The following HDAC4 variants were observed in gnomAD, a reference collection of about 807,000 sequenced individuals.
HDAC4 encodes histone deacetylase 4.
HDAC4 carries 16 observed loss-of-function variants against 135.1 expected under a neutral mutation model. The ratio of observed to expected loss-of-function variants is 0.12; its 90% CI spans 0.08 to 0.18. HDAC4 has a LOEUF of 0.18. HDAC4 is among the 10% of genes least tolerant of loss of function. The pLI is 1.00. For missense variants in HDAC4, 1,143 were observed against 1,511.8 expected (o/e 0.76, Z 4.05); for synonymous variants, 685 against 653.4 (o/e 1.05, Z -0.74).
chr2:239,192,962 A>G (rs926854237), intron 3 of HDAC4, among the ~76,000 whole-genome samples: 1 of 152,266 alleles, frequency 6.6e-6, no homozygotes, highest in Non-Finnish European at 1.5e-5. Context: ...GCTGGTGTCT[A>G]TATTTGTAGG....
At chr2:239,401,248 G>C (rs1023970134), upstream of HDAC4, among the ~76,000 whole-genome samples, 9 of 149,734 alleles carry the variant, frequency 6.0e-5, no homozygotes, top group African/African-American at 1.9e-4. Context: ...CCTGCGCACA[G>C]CCCGTCTGCT....
At chr2:239,090,137 A>G (rs1411642188) in intron 17 of HDAC4, 21 bp from the exon 18 acceptor site, 3 of 1,561,062 alleles carry the variant, frequency 1.9e-6, no homozygotes, top group Non-Finnish European at 2.6e-6. Flanking sequence ...AACACCCCAC[A>G]GTGAGGTCAC....
intron 2 of HDAC4, among the ~76,000 whole-genome samples, chr2:239,345,258 T>A (rs1015027011): frequency 2.0e-5 from 3 of 152,140 alleles, no homozygotes; most frequent in Non-Finnish European, 4.4e-5. Context: ...TAAAACTTTG[T>A]AGTACTCCTG....
chr2:239,167,161 GTA>G lies in HDAC4; in HGVS notation c.491-3240_491-3239del, dbSNP rs1462127313. Among the ~76,000 whole-genome samples, 33 of 152,244 alleles carry G rather than the reference GTA, an allele frequency of 2.2e-4. No homozygotes were observed. The highest frequency in any genetic ancestry group is 7.5e-4 in the African/African-American group (31 of 41,546). ...ACGAGGACGCCCTCAACACTTTCCA[GTA>G]GACCCAAACTCAGTGCAGTCAGCCT... On this transcript the variant is annotated intron_variant, in intron 5 of 26. Coordinates refer to ENST00000543185, the MANE Select transcript of HDAC4 (RefSeq NM_001378414.1). The surrounding 1 kb of genome is among the most constrained non-coding windows in gnomAD (Gnocchi z 4.1).
intron 3 of HDAC4, among the ~76,000 whole-genome samples, chr2:239,194,422 C>T (rs2045224405): frequency 2.0e-5 from 3 of 152,216 alleles, no homozygotes; most frequent in Admixed American, 2.0e-4. Flanking sequence ...TGCTGAGCGC[C>T]ACGCTGCTGC....
At chr2:239,236,127 T>C (rs2047873653) in intron 3 of HDAC4, among the ~76,000 whole-genome samples, 1 of 152,124 alleles carries the variant, frequency 6.6e-6, no homozygotes, top group African/African-American at 2.4e-5. Flanking sequence ...GTTAAAGAGC[T>C]GAAAGGTACT....
chr2:239,169,495 C>T (rs2043319268), intron 5 of HDAC4, among the ~76,000 whole-genome samples: 1 of 152,274 alleles, frequency 6.6e-6, no homozygotes, highest in Non-Finnish European at 1.5e-5. Context: ...ACAGGGTGGG[C>T]CCCGCCCAGC....
At chr2:239,275,286 G>A (rs1261252506) in intron 2 of HDAC4, among the ~76,000 whole-genome samples, 3 of 152,270 alleles carry the variant, frequency 2.0e-5, no homozygotes, top group Non-Finnish European at 4.4e-5. Flanking sequence ...TGCCGGCAAA[G>A]CGCTGCTCAC....
chr2:239,094,731 C>G (rs1175695884), intron 17 of HDAC4: 1 of 1,295,166 alleles, frequency 7.7e-7, no homozygotes, highest in Non-Finnish European at 9.9e-7. Flanking sequence ...GGATGAGATG[C>G]TGGCTGCATA....
chr2:239,391,336 T>C (rs1696191824), intron 1 of HDAC4, among the ~76,000 whole-genome samples: 1 of 152,158 alleles, frequency 6.6e-6, no homozygotes. Context: ...TCTCAAACTG[T>C]ACTAAGGTCC....
intron 12 of HDAC4, among the ~76,000 whole-genome samples, chr2:239,125,416 C>T (rs2040114774): frequency 3.3e-5 from 5 of 152,180 alleles, no homozygotes; most frequent in Admixed American, 3.3e-4. Context: ...AGGCCAACAC[C>T]ACGCTTCCTC....
intron 12 of HDAC4, among the ~76,000 whole-genome samples, chr2:239,120,395 G>GCACACAGA (rs1553622835): frequency 1.4e-5 from 2 of 145,198 alleles, no homozygotes; most frequent in Non-Finnish European, 3.0e-5. Flanking sequence ...ACACACAGAC[G>GCACACAGA]CACACAGACA....
At chr2:239,272,125 A>C (rs2050092701) in intron 2 of HDAC4, among the ~76,000 whole-genome samples, 1 of 152,368 alleles carries the variant, frequency 6.6e-6, no homozygotes, top group South Asian at 2.1e-4. Flanking sequence ...GACACTGCAG[A>C]AGCTGGCTGG....
rs2039048199 is a variant in HDAC4, at chr2:239,115,501, AAAT to A, written c.1534-194_1534-192del. Among the ~76,000 whole-genome samples the A allele has an allele frequency of 2.6e-5, 4 of 152,280 alleles. No homozygotes were observed. In the South Asian group the frequency reaches 8.3e-4, roughly 32 times the overall value. Reference sequence around the variant, plus strand: ...CACTGGGGTGCCTGAGTGCCTAAGAAAATAATGCCCAGTAGGACCCCAGCCCAG... The same window carrying A: ...CACTGGGGTGCCTGAGTGCCTAAGAAAATGCCCAGTAGGACCCCAGCCCAG... On this transcript the variant is annotated intron_variant, in intron 12 of 26. Coordinates refer to ENST00000543185, the MANE Select transcript of HDAC4 (RefSeq NM_001378414.1). This position sits in a 1 kb window ranked among gnomAD's most constrained non-coding sequence, Gnocchi z 6.3.
chr2:239,313,560 C>A lies in HDAC4; in HGVS notation c.22+39118G>T, dbSNP rs2052986837. Among the ~76,000 whole-genome samples, 1 of 152,120 alleles carries A rather than the reference C, an allele frequency of 6.6e-6. No homozygotes were observed. Reference sequence around the variant, plus strand: ...CATCCCAGTTTTCCATGGCACTTCGCAAACACAGCTGGTCAGGCCCTTAGC... The same window carrying A: ...CATCCCAGTTTTCCATGGCACTTCGAAAACACAGCTGGTCAGGCCCTTAGC... On this transcript the variant is annotated intron_variant, in intron 2 of 26. Coordinates refer to ENST00000543185, the MANE Select transcript of HDAC4 (RefSeq NM_001378414.1). This position sits in a 1 kb window ranked among gnomAD's most constrained non-coding sequence, Gnocchi z 5.1.
At chr2:239,286,054 A>C (rs1440944556) in intron 2 of HDAC4, among the ~76,000 whole-genome samples, 1 of 152,226 alleles carries the variant, frequency 6.6e-6, no homozygotes, top group Non-Finnish European at 1.5e-5. Context: ...AGTTACTCAT[A>C]TCATGAGAAA....
intron 2 of HDAC4, among the ~76,000 whole-genome samples, chr2:239,264,279 C>T (rs1344307603): frequency 1.3e-5 from 2 of 152,226 alleles, no homozygotes; most frequent in Non-Finnish European, 2.9e-5. Flanking sequence ...ATGCGCCTGC[C>T]AGGTTCCATT....
intron 3 of HDAC4, among the ~76,000 whole-genome samples, chr2:239,220,011 T>G (rs1030770025): frequency 6.6e-6 from 1 of 152,220 alleles, no homozygotes; most frequent in Non-Finnish European, 1.5e-5. Context: ...AGCCAACAGA[T>G]AGGCCTCGAA....
chr2:239,089,280 T>A (rs2036270278), intron 18 of HDAC4, among the ~76,000 whole-genome samples: 1 of 152,232 alleles, frequency 6.6e-6, no homozygotes, highest in African/African-American at 2.4e-5. Context: ...AACCAGCTGC[T>A]GTCCACAGGC....
Sources: allele counts gnomAD v4.1 joint callset (sites outside exome capture counted in the v4.1 genomes callset), GRCh38; gene constraint gnomAD v4.1.1; non-coding constraint Gnocchi (gnomAD v3.1); transcripts MANE v1.5; gene names NCBI Gene and HGNC (gene_info 2026-07-23, HGNC 2026-07-21).